The following SLC5A11 variants were observed in gnomAD, a reference collection of about 807,000 sequenced individuals.
SLC5A11 encodes the protein solute carrier family 5 member 11, also known as sodium/myo-inositol cotransporter 2.
Under a neutral mutation model 69.8 loss-of-function variants are expected in SLC5A11, and 48 were observed. That is an observed-to-expected ratio of 0.69 (90% CI 0.55 to 0.87). The LOEUF is 0.87. SLC5A11 is among the 40% of genes least tolerant of loss of function. The pLI is 0.00. For synonymous variants in SLC5A11, 319 were observed against 342.4 expected (o/e 0.93, Z 0.75); for missense variants, 784 against 866.1 (o/e 0.91, Z 1.19).
At chr16:24,898,054 G>A (rs2152392547) in exon 10 of SLC5A11, 2 of 1,614,204 alleles carry the variant, frequency 1.2e-6, no homozygotes, top group East Asian at 2.2e-5. Flanking sequence ...ACCTGAAGGT[G>A]CTGCCCCTCT....
intron 10 of SLC5A11, among the ~76,000 whole-genome samples, chr16:24,905,748 G>A (rs568853916): frequency 6.6e-6 from 1 of 151,554 alleles, no homozygotes; most frequent in African/African-American, 2.4e-5. Context: ...ATAAACTAAG[G>A]GTTTGCCTCC....
chr16:24,871,511 G>A (rs2047298084), intron 4 of SLC5A11, among the ~76,000 whole-genome samples: 2 of 152,032 alleles, frequency 1.3e-5, no homozygotes, highest in African/African-American at 2.4e-5. Flanking sequence ...GGGTGCAAGC[G>A]ATCCACTGGC....
chr16:24,858,906 T>C (rs1439060938), intron 2 of SLC5A11, 128 bp downstream of exon 3: 46 of 1,238,110 alleles, frequency 3.7e-5, no homozygotes, highest in Non-Finnish European at 4.5e-5. Flanking sequence ...CACAAGGTTA[T>C]AGAGTAATCA....
At chr16:24,908,326 C>CTTTTTT (rs1173936314) in intron 13 of SLC5A11, among the ~76,000 whole-genome samples, 195 bp downstream of exon 14, 1 of 151,964 alleles carries the variant, frequency 6.6e-6, no homozygotes, top group African/African-American at 2.4e-5. Context: ...AGGGCTGCTG[C>CTTTTTT]GATGGCTCAC....
intron 4 of SLC5A11, 51 bp from the exon 6 acceptor site, chr16:24,872,109 G>A: frequency 3.1e-6 from 5 of 1,611,378 alleles, no homozygotes; most frequent in Non-Finnish European, 4.2e-6. Flanking sequence ...ATCCAAATGG[G>A]TACCTTGTTG....
chr16:24,894,576 C>T (rs371390178), intron 9 of SLC5A11, among the ~76,000 whole-genome samples: 56 of 146,232 alleles, frequency 3.8e-4, no homozygotes, highest in Admixed American at 1.5e-3. Flanking sequence ...CTGAGGCGGG[C>T]GGATCACGAG....
At chr16:24,897,546 C>T (rs987062730) in intron 9 of SLC5A11, among the ~76,000 whole-genome samples, 2 of 152,130 alleles carry the variant, frequency 1.3e-5, no homozygotes, top group South Asian at 2.1e-4. Context: ...CTACACACCC[C>T]GTTTGCCTTA....
intron 13 of SLC5A11, among the ~76,000 whole-genome samples, chr16:24,908,456 G>A (rs993301559): frequency 4.6e-5 from 7 of 151,850 alleles, no homozygotes; most frequent in African/African-American, 7.3e-5. Context: ...AAAATTAGCC[G>A]GGTGTGGTGG....
At chr16:24,869,511 G>A (rs971470888) in intron 3 of SLC5A11, among the ~76,000 whole-genome samples, 1 of 152,096 alleles carries the variant, frequency 6.6e-6, no homozygotes, top group African/African-American at 2.4e-5. Flanking sequence ...GCAGATCTGG[G>A]GGAGTAACAC....
At chr16:24,889,179 A>G (rs995612687) in intron 8 of SLC5A11, among the ~76,000 whole-genome samples, 3 of 152,152 alleles carry the variant, frequency 2.0e-5, no homozygotes, top group Non-Finnish European at 4.4e-5. Flanking sequence ...ATAATTAAGA[A>G]TGAGAAAAGA....
At chr16:24,906,866 G>C (rs551369496) in intron 11 of SLC5A11, 102 bp downstream of exon 12, 17 of 1,384,180 alleles carry the variant, frequency 1.2e-5, no homozygotes, top group Admixed American at 1.0e-4. Flanking sequence ...GAGGGCTGGT[G>C]GGGGAGGAAG....
exon 1 of SLC5A11, chr16:24,846,289 A>C (rs2059010129): frequency 6.6e-6 from 1 of 152,306 alleles, no homozygotes; most frequent in Non-Finnish European, 1.5e-5. Flanking sequence ...GCGGGCATAT[A>C]GGAGGAAGGG....
intron 4 of SLC5A11, among the ~76,000 whole-genome samples, chr16:24,871,437 A>T (rs139862485): frequency 3.2e-4 from 48 of 151,916 alleles, no homozygotes; most frequent in Middle Eastern, 3.4e-3. Flanking sequence ...TGCCTAGCTA[A>T]TTTTCATATT....
At chr16:24,852,680 G>T (rs1022740550) in intron 1 of SLC5A11, among the ~76,000 whole-genome samples, 3 of 152,174 alleles carry the variant, frequency 2.0e-5, no homozygotes, top group Non-Finnish European at 2.9e-5. Context: ...TACACACAGG[G>T]TGCAGGGGAC....
chr16:24,909,342 AT>A (rs1373636733), intron 14 of SLC5A11, among the ~76,000 whole-genome samples: 2 of 152,148 alleles, frequency 1.3e-5, no homozygotes, highest in African/African-American at 2.4e-5. Context: ...TTTTACTGTC[AT>A]TAAGTAAACA....
intron 9 of SLC5A11, among the ~76,000 whole-genome samples, chr16:24,893,116 CAAAAAAAAAAAAAAA>C (rs58331547): frequency 3.1e-4 from 31 of 99,070 alleles, no homozygotes; most frequent in Admixed American, 4.9e-4. Context: ...ACTAAAAATA[CAAAAAAAAAAAAAAA>C]AAAAAAAAAA....
intron 1 of SLC5A11, among the ~76,000 whole-genome samples, chr16:24,854,197 C>G (rs1279901303): frequency 2.0e-5 from 3 of 152,234 alleles, no homozygotes; most frequent in East Asian, 3.8e-4. Context: ...CTCCTCCCTC[C>G]TCCCTCTGCC....
chr16:24,901,887 C>T (rs879689187), intron 10 of SLC5A11, among the ~76,000 whole-genome samples: 3 of 151,312 alleles, frequency 2.0e-5, no homozygotes, highest in Non-Finnish European at 4.4e-5. Flanking sequence ...GAGTTTGAGA[C>T]CAGCCTGGGC....
At chr16:24,868,971 G>A (rs1420450586) in intron 3 of SLC5A11, among the ~76,000 whole-genome samples, 6 of 151,306 alleles carry the variant, frequency 4.0e-5, no homozygotes, top group Admixed American at 3.3e-4. Context: ...GGGCTCGAGC[G>A]ATTCTCCTGC....
Sources: gnomAD v4.1 joint callset for allele counts (sites outside exome capture counted in the v4.1 genomes callset) on GRCh38, gnomAD v4.1.1 for gene constraint, MANE v1.5 for transcripts, NCBI Gene and HGNC (gene_info 2026-07-23, HGNC 2026-07-21) for gene names.